Variants in URB1 observed in about 807,000 individuals in gnomAD.
The protein encoded by URB1 is URB1 ribosome biogenesis factor, also known as nucleolar pre-ribosomal-associated protein 1.
URB1 carries 197 observed loss-of-function variants against 242.3 expected under a neutral mutation model. The ratio of observed to expected loss-of-function variants is 0.81; its 90% CI spans 0.72 to 0.91. URB1 has a LOEUF of 0.91. Ranked by LOEUF, URB1 falls within the 40% of genes least tolerant of loss-of-function variation. URB1 has a pLI of 0.00. For synonymous variants in URB1, 1,153 were observed against 1,201.8 expected (o/e 0.96, Z 0.84); for missense variants, 2,721 against 2,860.5 (o/e 0.95, Z 1.11).
intron 30 of URB1, chr21:32,333,012 C>T (rs766780690): frequency 1.7e-5 from 6 of 352,338 alleles, no homozygotes; most frequent in Non-Finnish European, 3.2e-5. Context: ...GGTATTTGAC[C>T]AGTAACTAAT....
intron 13 of URB1, 123 bp from the exon 14 acceptor site, chr21:32,360,031 C>T (rs964658667): frequency 7.8e-5 from 66 of 846,748 alleles, no homozygotes; most frequent in Non-Finnish European, 1.1e-4. Flanking sequence ...ATGCAGGGTT[C>T]TGTTTCTCTG....
intron 13 of URB1, 61 bp downstream of exon 13, chr21:32,360,946 G>A (rs2033275632): frequency 8.0e-6 from 10 of 1,242,408 alleles, no homozygotes; most frequent in Non-Finnish European, 1.1e-5. Context: ...TGGCTGCAGG[G>A]CTCTGCTCTG....
chr21:32,368,120 T>A (rs1185905698), intron 9 of URB1, among the ~76,000 whole-genome samples: 1 of 152,098 alleles, frequency 6.6e-6, no homozygotes, highest in Non-Finnish European at 1.5e-5. Context: ...CAGGCTGGAG[T>A]GCAGTGGCGC....
rs1349644757 is a variant in URB1, at chr21:32,345,443, C to T, written c.4001G>A (p.Arg1334Gln). 6.4e-6 allele frequency: 10 copies of T among 1,551,410 alleles called. No individual in the cohort carries two copies. Among genetic ancestry groups the T allele is most frequent in the Admixed American group, 3.9e-5 (2 of 50,968 alleles). The change falls in exon 23 of 39, where the codon CGA becomes CAA. Residue 1334 changes from arginine (R) to glutamine (Q), a missense_variant. Coordinates refer to ENST00000382751, the MANE Select transcript of URB1 (RefSeq NM_014825.3). ...EILAQLVPFA[R>Q]AKDLSVLMDR... The stretch of plus-strand genomic sequence containing the variant: ...CATGAGTACACTGAGATCCTTGGCT[C>T]GTGCAAACGGGACCAGCTGTGCCAG...
chr21:32,318,997 C>T (rs1034397374), intron 36 of URB1, among the ~76,000 whole-genome samples: 4 of 152,008 alleles, frequency 2.6e-5, no homozygotes, highest in African/African-American at 9.7e-5. Flanking sequence ...GGGGTCTTGA[C>T]AAGAAGCTTT....
intron 29 of URB1, 97 bp downstream of exon 29, chr21:32,334,066 A>C (rs2032926556): frequency 7.3e-7 from 1 of 1,370,738 alleles, no homozygotes; most frequent in African/African-American, 1.5e-5. Context: ...TACTTAATAA[A>C]AAGGTAAATA....
chr21:32,322,683 AT>A (rs2032782069), intron 32 of URB1, 99 bp from the exon 33 acceptor site: 4 of 847,684 alleles, frequency 4.7e-6, no homozygotes, highest in African/African-American at 1.7e-5. Flanking sequence ...TCAGACATAA[AT>A]CCCCTCCCAG....
At chr21:32,377,137 G>C in intron 5 of URB1, 1 of 512,272 alleles carries the variant, frequency 2.0e-6, no homozygotes, top group Admixed American at 2.0e-5. Flanking sequence ...ACTAGACATG[G>C]AATTGCAGGA....
At position 32,345,540 on chromosome 21, in the gene URB1, G is replaced by T; in HGVS notation, c.3904C>A (p.Leu1302Met). The T allele has an allele frequency of 6.5e-7, 1 of 1,548,784 alleles. No individual in the cohort carries two copies. Among genetic ancestry groups the T allele is most frequent in the Non-Finnish European group, 8.7e-7 (1 of 1,144,596 alleles). Reference sequence around the variant, plus strand: ...AGCCTGCTCTGTAGCTGCCTCCACAGGGTCTTCCTCAAGACAGGAATGACA... The same window carrying T: ...AGCCTGCTCTGTAGCTGCCTCCACATGGTCTTCCTCAAGACAGGAATGACA... Reference protein sequence around the residue: ...SAVIPVLRKTLWRQLQSRLLS... With the variant: ...SAVIPVLRKTMWRQLQSRLLS... The change falls in exon 23 of 39, where the codon CTG (leucine) becomes ATG (methionine). Residue 1302 changes from leucine (L) to methionine (M), a missense_variant. Leu to Met is a conservative substitution (Grantham distance 15, BLOSUM62 2). Transcript: ENST00000382751.
chr21:32,383,564 G>A lies in URB1; in HGVS notation c.435-10C>T. On this transcript the variant is annotated splice_polypyrimidine_tract_variant and intron_variant, in intron 3 of 38. Transcript: ENST00000382751. The stretch of plus-strand genomic sequence containing the variant: ...GCAGGCGCGAGCCAACCTGCACAGG[G>A]AACCAGAGGAAATCGGACACGTCAA... 1.3e-6 allele frequency: 2 copies of A among 1,548,852 alleles called. No homozygotes were observed. Among genetic ancestry groups the A allele is most frequent in the Middle Eastern group, 1.7e-4 (1 of 5,958 alleles).
At chr21:32,355,688 A>C in intron 15 of URB1, 123 bp from the exon 16 acceptor site, 1 of 763,030 alleles carries the variant, frequency 1.3e-6, no homozygotes, top group Non-Finnish European at 2.2e-6. Context: ...GGCTCACTGC[A>C]ACCTCCGCCT....
chr21:32,383,562 G>A lies in URB1; in HGVS notation c.435-8C>T, dbSNP rs1272336404. On this transcript the variant is annotated splice_region_variant and splice_polypyrimidine_tract_variant and intron_variant, in intron 3 of 38. Coordinates refer to ENST00000382751, the MANE Select transcript of URB1 (RefSeq NM_014825.3). ...AGGCAGGCGCGAGCCAACCTGCACA[G>A]GGAACCAGAGGAAATCGGACACGTC... is the stretch of plus-strand genomic sequence containing the variant. 2 of 1,548,912 alleles carry A rather than the reference G, an allele frequency of 1.3e-6. No individual in the cohort carries two copies. The highest frequency in any genetic ancestry group is 1.7e-6 in the Non-Finnish European group (2 of 1,146,042).
At chr21:32,352,628 T>A (rs994265717) in intron 19 of URB1, 82 bp downstream of exon 19, 2 of 1,510,742 alleles carry the variant, frequency 1.3e-6, no homozygotes, top group Middle Eastern at 2.3e-4. Context: ...GCTACCCAAC[T>A]GCACAGCTGT....
chr21:32,323,633 T>C (rs2032793931), intron 32 of URB1, among the ~76,000 whole-genome samples: 1 of 152,154 alleles, frequency 6.6e-6, no homozygotes, highest in Non-Finnish European at 1.5e-5. Flanking sequence ...ACGGCAGCTA[T>C]CACTGATGAG....
At position 32,314,480 on chromosome 21, in the gene URB1, T is replaced by C; in HGVS notation, c.*438A>G. The C allele has an allele frequency of 6.9e-7, 1 of 1,446,638 alleles. No homozygotes were observed. The highest frequency in any genetic ancestry group is 9.7e-7 in the Non-Finnish European group (1 of 1,029,378). 89.6% of individuals were successfully genotyped at this position (1,446,638 alleles called of 1,614,324 possible). A position where few individuals can be genotyped will look rare whatever the true frequency, so the allele number is the denominator to read the frequency against. ...GATTATAGGCGTGAGCCACCTCACC[T>C]GCTGAAAAATAAACTTTAAACATCT... On this transcript the variant is annotated 3_prime_UTR_variant, in exon 39 of 39. Coordinates refer to ENST00000382751, the MANE Select transcript of URB1 (RefSeq NM_014825.3).
At chr21:32,321,682 G>C in intron 34 of URB1, 119 bp downstream of exon 34, 2 of 1,429,036 alleles carry the variant, frequency 1.4e-6, no homozygotes, top group Non-Finnish European at 1.9e-6. Context: ...CTGAGAGCCA[G>C]GGTTAGGTCG....
chr21:32,341,757 T>TA (rs796981721), intron 24 of URB1, among the ~76,000 whole-genome samples: 114 of 151,984 alleles, frequency 7.5e-4, no homozygotes, highest in African/African-American at 2.7e-3. Context: ...CAATGATTAT[T>TA]TTTTTTTAAT....
intron 35 of URB1, 147 bp downstream of exon 35, chr21:32,320,384 A>G: frequency 1.6e-6 from 1 of 635,008 alleles, no homozygotes. Flanking sequence ...ACTGCCAGGC[A>G]TATGGTAGCA....
chr21:32,339,357 T>C (rs1422015743), intron 25 of URB1, among the ~76,000 whole-genome samples: 1 of 152,076 alleles, frequency 6.6e-6, no homozygotes, highest in African/African-American at 2.4e-5. Flanking sequence ...TTGCAGCAAA[T>C]ACCCTATACC....
Sources: allele counts gnomAD v4.1 joint callset (sites outside exome capture counted in the v4.1 genomes callset), GRCh38; gene constraint gnomAD v4.1.1; transcripts MANE v1.5; gene names NCBI Gene and HGNC (gene_info 2026-07-23, HGNC 2026-07-21).